NDUFAF2: variants seen among roughly 807,000 people sequenced by gnomAD.
NDUFAF2 encodes NADH:ubiquinone oxidoreductase complex assembly factor 2.
In NDUFAF2, 13 loss-of-function variants were observed where a neutral mutation model predicts 22.8. The observed-to-expected ratio is 0.57, with a 90% CI of 0.37 to 0.91. NDUFAF2 has a LOEUF of 0.91. NDUFAF2 is among the 40% of genes least tolerant of loss of function. NDUFAF2 has a pLI of 0.01. For synonymous variants in NDUFAF2, 53 were observed against 64.2 expected, an observed-to-expected ratio of 0.83 and a Z score of 0.84; for missense variants, 162 against 195.2, an observed-to-expected ratio of 0.83 and a Z score of 1.01.
chr5:60,989,883 A>G (rs1291546649), intron 1 of NDUFAF2, among the ~76,000 whole-genome samples: 1 of 152,112 alleles, frequency 6.6e-6, no homozygotes, highest in Non-Finnish European at 1.5e-5. Flanking sequence ...GTGTATATGC[A>G]TTCCTGAACC....
At chr5:61,097,263 T>C (rs753730328) in intron 2 of NDUFAF2, among the ~76,000 whole-genome samples, 14 of 150,142 alleles carry the variant, frequency 9.3e-5, no homozygotes, top group South Asian at 6.4e-4. Context: ...GTTGAAAATA[T>C]CATCATGTAG....
chr5:61,003,168 T>TTG (rs1420927139), intron 1 of NDUFAF2, among the ~76,000 whole-genome samples: 1 of 152,148 alleles, frequency 6.6e-6, no homozygotes, highest in Admixed American at 6.6e-5. Flanking sequence ...CCAGTACTAT[T>TTG]TGGCATTCTG....
At chr5:61,018,508 T>C (rs1751540116) in intron 1 of NDUFAF2, among the ~76,000 whole-genome samples, 2 of 152,212 alleles carry the variant, frequency 1.3e-5, no homozygotes, top group Non-Finnish European at 2.9e-5. Flanking sequence ...ACATTTATCA[T>C]TATACCACTG....
intron 3 of NDUFAF2, among the ~76,000 whole-genome samples, chr5:61,119,853 CTTACT>C (rs1752955291): frequency 6.6e-6 from 1 of 152,128 alleles, no homozygotes; most frequent in Non-Finnish European, 1.5e-5. Context: ...ATACTATGAT[CTTACT>C]TGATTTATTT....
At chr5:60,956,338 A>G (rs549977453) in intron 1 of NDUFAF2, among the ~76,000 whole-genome samples, 2 of 152,148 alleles carry the variant, frequency 1.3e-5, no homozygotes, top group East Asian at 3.9e-4. Flanking sequence ...TTTGGATGCC[A>G]TTTATTTGTT....
intron 1 of NDUFAF2, among the ~76,000 whole-genome samples, chr5:60,976,339 G>C (rs1750902556): frequency 6.6e-6 from 1 of 150,714 alleles, no homozygotes; most frequent in African/African-American, 2.4e-5. Context: ...TAATGCGTAA[G>C]CTTAAAGCTT....
At chr5:61,143,496 A>G (rs937176554) in intron 3 of NDUFAF2, among the ~76,000 whole-genome samples, 3 of 152,098 alleles carry the variant, frequency 2.0e-5, no homozygotes, top group Non-Finnish European at 4.4e-5. Flanking sequence ...TCTTTATCTT[A>G]TGTGTACTTT....
intron 1 of NDUFAF2, among the ~76,000 whole-genome samples, chr5:61,033,911 A>G (rs1019822154): frequency 4.6e-5 from 7 of 152,156 alleles, no homozygotes; most frequent in African/African-American, 1.7e-4. Flanking sequence ...CATTTGATAA[A>G]TTAATAGCTG....
intron 1 of NDUFAF2, among the ~76,000 whole-genome samples, chr5:61,004,078 A>G (rs10805374): frequency 0.4 from 60,567 of 151,726 alleles, 12,998 homozygotes; most frequent in East Asian, 0.81. Context: ...TTACTTGCCT[A>G]TCCTGTAAAA....
intron 3 of NDUFAF2, among the ~76,000 whole-genome samples, chr5:61,129,120 C>T (rs1041725237): frequency 3.9e-5 from 6 of 152,006 alleles, no homozygotes; most frequent in African/African-American, 1.2e-4. Flanking sequence ...GTTAGAATGG[C>T]GATCATTAAA....
intron 1 of NDUFAF2, among the ~76,000 whole-genome samples, chr5:61,042,768 G>C (rs1482165136): frequency 1.3e-5 from 2 of 152,106 alleles, no homozygotes; most frequent in Middle Eastern, 3.2e-3. Flanking sequence ...CAGACAATGG[G>C]ATATTATTCA....
intron 3 of NDUFAF2, among the ~76,000 whole-genome samples, chr5:61,110,269 T>G (rs887336115): frequency 6.6e-6 from 1 of 151,914 alleles, no homozygotes; most frequent in East Asian, 1.9e-4. Context: ...TTTCTTCTTC[T>G]TCTTCTTCTT....
intron 3 of NDUFAF2, among the ~76,000 whole-genome samples, chr5:61,117,030 C>T (rs958824637): frequency 6.6e-6 from 1 of 152,082 alleles, no homozygotes; most frequent in African/African-American, 2.4e-5. Flanking sequence ...ACAGTGTTTA[C>T]TCATAATATG....
intron 1 of NDUFAF2, among the ~76,000 whole-genome samples, chr5:60,989,195 T>G: frequency 6.6e-6 from 1 of 152,088 alleles, no homozygotes; most frequent in Non-Finnish European, 1.5e-5. Flanking sequence ...GAAATGCAAA[T>G]CAGAACCACA....
intron 1 of NDUFAF2, among the ~76,000 whole-genome samples, chr5:61,069,283 T>A (rs1204650432): frequency 6.6e-6 from 1 of 152,196 alleles, no homozygotes; most frequent in African/African-American, 2.4e-5. Context: ...TACCTGTCCA[T>A]AGGAGTTTCC....
rs534817652 is a variant in NDUFAF2, at chr5:61,103,207, C to T, written c.258+4175C>T. 5.3e-5 allele frequency among the ~76,000 whole-genome samples: 8 copies of T among 152,188 alleles called. No homozygotes were observed. The East Asian group carries it at 5.8e-4, about 11-fold the overall frequency. On this transcript the variant is annotated intron_variant, in intron 3 of 3. Coordinates refer to ENST00000296597, the MANE Select transcript of NDUFAF2 (RefSeq NM_174889.5). Reference sequence around the variant, plus strand: ...AAGGCTTCCTGATTTGGGCCCAGCCCGACTTTCTAGCTTTGTCTCCTTAGG... The same window carrying T: ...AAGGCTTCCTGATTTGGGCCCAGCCTGACTTTCTAGCTTTGTCTCCTTAGG...
At chr5:61,090,992 A>G (rs940015860) in intron 2 of NDUFAF2, among the ~76,000 whole-genome samples, 1 of 152,106 alleles carries the variant, frequency 6.6e-6, no homozygotes, top group Non-Finnish European at 1.5e-5. Flanking sequence ...TTCTGGCTCC[A>G]TCCATGTCCC....
chr5:60,960,211 T>C (rs981678442), intron 1 of NDUFAF2, among the ~76,000 whole-genome samples: 2 of 152,156 alleles, frequency 1.3e-5, no homozygotes, highest in Non-Finnish European at 2.9e-5. Flanking sequence ...CTCCTTTTGT[T>C]TTGAGGGTTT....
chr5:61,101,615 G>A (rs1752706430), intron 3 of NDUFAF2, among the ~76,000 whole-genome samples: 1 of 152,026 alleles, frequency 6.6e-6, no homozygotes, highest in Non-Finnish European at 1.5e-5. Flanking sequence ...CCAGAAACTA[G>A]ATTTTTTTTC....
Sources: allele counts gnomAD v4.1 joint callset (sites outside exome capture counted in the v4.1 genomes callset), GRCh38; gene constraint gnomAD v4.1.1; transcripts MANE v1.5; gene names NCBI Gene and HGNC (gene_info 2026-07-23, HGNC 2026-07-21).